Variants in GABRG3 observed in about 807,000 individuals in gnomAD.
GABRG3 encodes the protein gamma-aminobutyric acid receptor subunit gamma-3.
In GABRG3, 25 loss-of-function variants were observed where a neutral mutation model predicts 48.8. That is an observed-to-expected ratio of 0.51 (90% CI 0.37 to 0.72). The LOEUF (loss-of-function observed/expected upper bound fraction) is 0.72, where lower values mean the gene tolerates loss of function less well. Ranked by LOEUF, GABRG3 falls within the 30% of genes least tolerant of loss-of-function variation. GABRG3 has a pLI of 0.00. For missense variants in GABRG3, 394 were observed against 577.9 expected (o/e 0.68, Z 3.26); for synonymous variants, 227 against 217.6 (o/e 1.04, Z -0.38).
rs374630098 is a variant in GABRG3, at chr15:27,256,373, A to G, written c.271-70436A>G. Reference sequence around the variant, plus strand: ...GGAGAATGGCGTGAACCCGGGAGGCAGTGCTTGCAGTGAGCCGAGATGGCG... The same window carrying G: ...GGAGAATGGCGTGAACCCGGGAGGCGGTGCTTGCAGTGAGCCGAGATGGCG... On this transcript the variant is annotated intron_variant, in intron 3 of 9. Coordinates refer to ENST00000615808, the MANE Select transcript of GABRG3 (RefSeq NM_033223.5). 8.8e-3 allele frequency among the ~76,000 whole-genome samples: 1,330 copies of G among 150,426 alleles called. 12 individuals carry two copies. Among genetic ancestry groups the G allele is most frequent in the South Asian group, 0.052 (244 of 4,724 alleles).
intron 5 of GABRG3, among the ~76,000 whole-genome samples, chr15:27,463,555 C>T (rs1240639480): frequency 6.6e-6 from 1 of 152,208 alleles, no homozygotes; most frequent in East Asian, 1.9e-4. Flanking sequence ...GGGAGAGGCC[C>T]TAGCACAATT....
At position 27,319,356 on chromosome 15, in the gene GABRG3, GT is replaced by G. The variant is rs1893342186; in HGVS notation, c.271-7452del. Among the ~76,000 whole-genome samples, 1 of 152,184 alleles carries G rather than the reference GT, an allele frequency of 6.6e-6. No individual in the cohort carries two copies. Among genetic ancestry groups the G allele is most frequent in the African/African-American group, 2.4e-5 (1 of 41,446 alleles). ...CATATTGTTGTGAACATTGGGTACAGTGGGGCTATGTCAATTATTTGGAAAG... is the reference window on the plus strand; with the variant it reads ...CATATTGTTGTGAACATTGGGTACAGGGGGCTATGTCAATTATTTGGAAAG... On this transcript the variant is annotated intron_variant, in intron 3 of 9. Coordinates refer to ENST00000615808, the MANE Select transcript of GABRG3 (RefSeq NM_033223.5). This position sits in a 1 kb window ranked among gnomAD's most constrained non-coding sequence, Gnocchi z 4.4.
intron 3 of GABRG3, among the ~76,000 whole-genome samples, chr15:27,326,597 A>G (rs1893623437): frequency 6.6e-6 from 1 of 152,198 alleles, no homozygotes; most frequent in Admixed American, 6.5e-5. Flanking sequence ...CTTAAGATTT[A>G]TAGTATGTCA....
At chr15:27,132,728 T>C (rs1897941894) in intron 3 of GABRG3, among the ~76,000 whole-genome samples, 1 of 151,622 alleles carries the variant, frequency 6.6e-6, no homozygotes, top group Non-Finnish European at 1.5e-5. Context: ...TAAAAATTTA[T>C]CAATTTTGTT....
chr15:27,282,934 G>T (rs1891485868), intron 3 of GABRG3, among the ~76,000 whole-genome samples: 1 of 152,144 alleles, frequency 6.6e-6, no homozygotes, highest in African/African-American at 2.4e-5. Flanking sequence ...CTAACAGAAG[G>T]TGGTGGAGAC....
chr15:26,987,109 T>A (rs1895165788), intron 2 of GABRG3, among the ~76,000 whole-genome samples: 1 of 152,100 alleles, frequency 6.6e-6, no homozygotes, highest in South Asian at 2.1e-4. Flanking sequence ...TACAAAAAAA[T>A]TAGCTGGGAG....
intron 5 of GABRG3, among the ~76,000 whole-genome samples, chr15:27,473,608 T>G (rs1889850963): frequency 6.6e-6 from 1 of 152,254 alleles, no homozygotes; most frequent in South Asian, 2.1e-4. Flanking sequence ...AATGCCTAAC[T>G]TTGTATATTT....
At chr15:27,260,318 G>T (rs546257851) in intron 3 of GABRG3, among the ~76,000 whole-genome samples, 3 of 152,114 alleles carry the variant, frequency 2.0e-5, no homozygotes, top group Non-Finnish European at 4.4e-5. Flanking sequence ...CATCAGTCCT[G>T]TTGGATTAGG....
intron 3 of GABRG3, among the ~76,000 whole-genome samples, chr15:27,157,305 G>A (rs1898456896): frequency 6.6e-6 from 1 of 152,194 alleles, no homozygotes; most frequent in South Asian, 2.1e-4. Flanking sequence ...TTATTCCCAT[G>A]TGATAGTTTT....
At chr15:27,417,024 A>T (rs183911440) in intron 5 of GABRG3, among the ~76,000 whole-genome samples, 1 of 152,362 alleles carries the variant, frequency 6.6e-6, no homozygotes, top group Non-Finnish European at 1.5e-5. Context: ...CCCTTAATGG[A>T]ATTCTCTAGA....
At chr15:27,217,127 A>G (rs921829899) in intron 3 of GABRG3, among the ~76,000 whole-genome samples, 5 of 151,770 alleles carry the variant, frequency 3.3e-5, no homozygotes, top group Non-Finnish European at 5.9e-5. Flanking sequence ...TTATGGCTGC[A>G]TAGTATTCCA....
chr15:27,261,433 T>A (rs1027394042), intron 3 of GABRG3, among the ~76,000 whole-genome samples: 3 of 151,806 alleles, frequency 2.0e-5, no homozygotes, highest in Non-Finnish European at 2.9e-5. Flanking sequence ...TGCCACTGTC[T>A]CTGCTCAAGA....
intron 3 of GABRG3, among the ~76,000 whole-genome samples, chr15:27,043,017 C>G (rs1896304527): frequency 6.6e-6 from 1 of 152,212 alleles, no homozygotes; most frequent in African/African-American, 2.4e-5. Flanking sequence ...CCGCGTCCAG[C>G]CCTGATCAGA....
intron 3 of GABRG3, among the ~76,000 whole-genome samples, chr15:27,268,998 C>T (rs750653860): frequency 1.8e-4 from 28 of 152,152 alleles, no homozygotes; most frequent in African/African-American, 6.5e-4. Context: ...TTGCAAATCT[C>T]TTGTTTCATT....
chr15:27,393,201 A>G (rs573603994), intron 5 of GABRG3, among the ~76,000 whole-genome samples: 21 of 152,032 alleles, frequency 1.4e-4, no homozygotes, highest in East Asian at 3.9e-4. Context: ...AAAATTAGCC[A>G]GGCGTGGTGG....
intron 7 of GABRG3, among the ~76,000 whole-genome samples, chr15:27,526,839 G>A (rs1402322729): frequency 6.6e-6 from 1 of 152,212 alleles, no homozygotes; most frequent in Non-Finnish European, 1.5e-5. Context: ...ACAAAGACAA[G>A]TAAGGGACTG....
At chr15:27,312,711 G>A (rs534669157) in intron 3 of GABRG3, among the ~76,000 whole-genome samples, 2 of 151,990 alleles carry the variant, frequency 1.3e-5, no homozygotes, top group African/African-American at 4.8e-5. Flanking sequence ...TGAGGGAGAG[G>A]TGAAGATGTT....
chr15:27,135,305 TAAGAGCC>T (rs1897989635), intron 3 of GABRG3, among the ~76,000 whole-genome samples: 1 of 152,142 alleles, frequency 6.6e-6, no homozygotes, highest in African/African-American at 2.4e-5. Context: ...GCTTTGAGAA[TAAGAGCC>T]AGTGTGGCCA....
intron 3 of GABRG3, among the ~76,000 whole-genome samples, chr15:27,160,072 C>G (rs1416020613): frequency 6.6e-6 from 1 of 152,186 alleles, no homozygotes; most frequent in African/African-American, 2.4e-5. Context: ...CCCTCCTGCT[C>G]TTTCCTGGGT....
Sources: gnomAD v4.1 joint callset for allele counts (sites outside exome capture counted in the v4.1 genomes callset) on GRCh38, gnomAD v4.1.1 for gene constraint, Gnocchi (gnomAD v3.1) non-coding constraint, MANE v1.5 for transcripts, NCBI Gene and HGNC (gene_info 2026-07-23, HGNC 2026-07-21) for gene names.